The following SND1 variants were observed in gnomAD, a reference collection of about 807,000 sequenced individuals.
The protein encoded by SND1 is staphylococcal nuclease and tudor domain containing 1.
Under a neutral mutation model 121.7 loss-of-function variants are expected in SND1, and 38 were observed. The ratio of observed to expected loss-of-function variants is 0.31; its 90% CI spans 0.24 to 0.41. The LOEUF (loss-of-function observed/expected upper bound fraction) is 0.41, where lower values mean the gene tolerates loss of function less well. SND1 is among the 10% of genes least tolerant of loss of function. The probability of loss-of-function intolerance (pLI) is 1.00; values close to 1 mark genes in which losing one functional copy is unlikely to be tolerated. For synonymous variants in SND1, 401 were observed against 447.4 expected (o/e 0.90, Z 1.31); for missense variants, 868 against 1,184.6 (o/e 0.73, Z 3.92).
chr7:127,766,665 C>T (rs1268714406), intron 10 of SND1, among the ~76,000 whole-genome samples: 1 of 142,398 alleles, frequency 7.0e-6, no homozygotes, highest in Non-Finnish European at 1.5e-5. Context: ...GTCCCAGCTA[C>T]TCAGGAGGCT....
At chr7:128,024,892 A>G (rs916464479) in intron 16 of SND1, among the ~76,000 whole-genome samples, 1 of 152,104 alleles carries the variant, frequency 6.6e-6, no homozygotes, top group Non-Finnish European at 1.5e-5. Flanking sequence ...AAACCACTCC[A>G]TTATGGGGAA....
intron 15 of SND1, among the ~76,000 whole-genome samples, chr7:127,971,956 G>A (rs1193334): frequency 0.11 from 16,849 of 151,372 alleles, 1,200 homozygotes; most frequent in Admixed American, 0.22. Flanking sequence ...TGTTTTTTTA[G>A]TAGAGACCAG....
rs536372195 is a variant in SND1 at position 127,748,146 on chromosome 7, C to T, written c.1152+26746C>T. Among the ~76,000 whole-genome samples the T allele has an allele frequency of 9.2e-5, 14 of 152,302 alleles. No individual in the cohort carries two copies. The East Asian group carries it at 1.9e-3, about 21-fold the overall frequency. On this transcript the variant is annotated intron_variant, in intron 10 of 23. Coordinates refer to ENST00000354725, the MANE Select transcript of SND1 (RefSeq NM_014390.4). ...TATTGAAGTGAGAATCTAACACTCA[C>T]GGGAATCATTCCATGTTGTCTCCAC...
At position 128,029,443 on chromosome 7, in the gene SND1, T is replaced by G. The variant is rs1314226064; in HGVS notation, c.1779+38387T>G. ...GTGCCGTCGTTGAGGACAGAGATCCTTGGGTGGCGGGAGGCGTGGCTGAGC... is the reference window on the plus strand; with the variant it reads ...GTGCCGTCGTTGAGGACAGAGATCCGTGGGTGGCGGGAGGCGTGGCTGAGC... On this transcript the variant is annotated intron_variant, in intron 16 of 23. Coordinates refer to ENST00000354725, the MANE Select transcript of SND1 (RefSeq NM_014390.4). The surrounding 1 kb of genome is among the most constrained non-coding windows in gnomAD (Gnocchi z 4.2). 2.5e-6 allele frequency: 4 copies of G among 1,614,142 alleles called. No individual in the cohort carries two copies. The highest frequency in any genetic ancestry group is 3.4e-6 in the Non-Finnish European group (4 of 1,180,020).
intron 15 of SND1, among the ~76,000 whole-genome samples, chr7:127,953,830 C>T (rs1801527030): frequency 6.6e-6 from 1 of 152,140 alleles, no homozygotes; most frequent in Non-Finnish European, 1.5e-5. Flanking sequence ...CTGGTCTCTC[C>T]TGCTGCTACT....
intron 9 of SND1, among the ~76,000 whole-genome samples, chr7:127,712,913 G>T (rs1285974211): frequency 6.6e-6 from 1 of 152,190 alleles, no homozygotes; most frequent in Non-Finnish European, 1.5e-5. Flanking sequence ...ATGTAGTTGA[G>T]AATTTTTTTC....
intron 12 of SND1, chr7:127,858,628 C>T: frequency 3.5e-6 from 1 of 284,878 alleles, no homozygotes; most frequent in East Asian, 7.4e-5. Context: ...CACCACTCTC[C>T]TGCTCCTGTG....
In SND1 at chr7:127,719,700, C is replaced by T. The variant is rs542168930; in HGVS notation, c.1039-1587C>T. The stretch of plus-strand genomic sequence containing the variant: ...TAGAAAATTAAAAATTTCTCCTGAT[C>T]TACTCAGTTCTTTCTTAGAACTTTC... On this transcript the variant is annotated intron_variant, in intron 9 of 23. Transcript: ENST00000354725. Among the ~76,000 whole-genome samples, 4 of 152,282 alleles carry T rather than the reference C, an allele frequency of 2.6e-5. No homozygotes were observed. In the South Asian group the frequency reaches 8.3e-4, roughly 32 times the overall value.
At chr7:127,824,029 G>GA (rs1798599456) in intron 11 of SND1, among the ~76,000 whole-genome samples, 1 of 152,120 alleles carries the variant, frequency 6.6e-6, no homozygotes, top group Non-Finnish European at 1.5e-5. Flanking sequence ...TGAGTATGAC[G>GA]ACAACAAAAT....
Position 127,892,446 on chromosome 7 carries a change from G to T in SND1, c.1454+4434G>T, listed in dbSNP as rs117742054. Among the ~76,000 whole-genome samples the T allele has an allele frequency of 5.3e-4, 81 of 152,230 alleles. No homozygotes were observed. The East Asian group carries it at 0.014, about 26-fold the overall frequency. ...CCACATCAGCAGCTCTGTTCAGTTC[G>T]CTGACCCTTCAGCGCTCCTTTACTC... On this transcript the variant is annotated intron_variant, in intron 13 of 23. Transcript: ENST00000354725.
At chr7:127,718,990 T>C (rs1337828418) in intron 9 of SND1, among the ~76,000 whole-genome samples, 3 of 152,186 alleles carry the variant, frequency 2.0e-5, no homozygotes, top group Non-Finnish European at 4.4e-5. Flanking sequence ...AGTTACCCTC[T>C]ATCCTTTGGG....
chr7:127,864,629 T>A (rs1235031021), intron 12 of SND1, among the ~76,000 whole-genome samples: 1 of 152,212 alleles, frequency 6.6e-6, no homozygotes, highest in African/African-American at 2.4e-5. Context: ...TCTCCCTTTT[T>A]TCATTCTCGC....
Position 127,950,453 on chromosome 7 carries a change from A to G in SND1, c.1669+21124A>G, listed in dbSNP as rs182158517. 4.4e-3 allele frequency among the ~76,000 whole-genome samples: 672 copies of G among 152,332 alleles called. 17 individuals carry two copies. The highest frequency in any genetic ancestry group is 0.033 in the Admixed American group (511 of 15,302). On this transcript the variant is annotated intron_variant, in intron 15 of 23. Coordinates refer to ENST00000354725, the MANE Select transcript of SND1 (RefSeq NM_014390.4). ...TCTTATCCGGTGACACAGCATTTGTATGATGCAAAGAAAGCCCTAAGTGGC... is the reference window on the plus strand; with the variant it reads ...TCTTATCCGGTGACACAGCATTTGTGTGATGCAAAGAAAGCCCTAAGTGGC...
At chr7:127,998,030 G>A (rs1802718997) in intron 16 of SND1, 1 of 520,352 alleles carries the variant, frequency 1.9e-6, no homozygotes, top group Non-Finnish European at 4.0e-6. Flanking sequence ...CCACTAGCTT[G>A]TAAGCTCCTC....
At chr7:127,703,117 G>A (rs1037457106) in intron 6 of SND1, 48 bp from the exon 7 acceptor site, 2 of 1,609,104 alleles carry the variant, frequency 1.2e-6, no homozygotes, top group African/African-American at 2.7e-5. Context: ...AGAGTGCCTA[G>A]CACTCACATT....
At chr7:127,858,436 C>T (rs1247010428) in intron 12 of SND1, 3 of 782,998 alleles carry the variant, frequency 3.8e-6, no homozygotes, top group African/African-American at 3.4e-5. Context: ...GGGTCTGGCC[C>T]AAGCTGTCCT....
intron 11 of SND1, among the ~76,000 whole-genome samples, chr7:127,820,721 T>C (rs1798533089): frequency 6.6e-6 from 1 of 152,098 alleles, no homozygotes; most frequent in Non-Finnish European, 1.5e-5. Context: ...TGCCTTCCAT[T>C]TTCCTTCCTC....
intron 10 of SND1, among the ~76,000 whole-genome samples, chr7:127,786,559 C>T (rs1797815745): frequency 6.6e-6 from 1 of 152,204 alleles, no homozygotes; most frequent in Non-Finnish European, 1.5e-5. Context: ...TTTTCCTTGA[C>T]TGGCTCTTGG....
chr7:127,985,335 G>T (rs1265570274), intron 15 of SND1, among the ~76,000 whole-genome samples: 1 of 152,200 alleles, frequency 6.6e-6, no homozygotes, highest in Non-Finnish European at 1.5e-5. Context: ...TCAGCTCACT[G>T]CAACCTCCAC....
Sources: gnomAD v4.1 joint callset for allele counts (sites outside exome capture counted in the v4.1 genomes callset) on GRCh38, gnomAD v4.1.1 for gene constraint, Gnocchi (gnomAD v3.1) non-coding constraint, MANE v1.5 for transcripts, NCBI Gene and HGNC (gene_info 2026-07-23, HGNC 2026-07-21) for gene names.